The following MAGI2 variants were observed in gnomAD, a reference collection of about 807,000 sequenced individuals.
The protein encoded by MAGI2 is membrane-associated guanylate kinase, WW and PDZ domain-containing protein 2.
MAGI2 carries 35 observed loss-of-function variants against 133.3 expected under a neutral mutation model. That is an observed-to-expected ratio of 0.26 (90% CI 0.20 to 0.35). The LOEUF is 0.35. Among genes scored for constraint, MAGI2 ranks in the 10% least tolerant of loss-of-function variants. The probability of loss-of-function intolerance (pLI) is 1.00; values close to 1 mark genes in which losing one functional copy is unlikely to be tolerated. For synonymous variants in MAGI2, 729 were observed against 710.6 expected (o/e 1.03, Z -0.41); for missense variants, 1,636 against 1,863.4 (o/e 0.88, Z 2.25).
intron 9 of MAGI2, among the ~76,000 whole-genome samples, chr7:78,284,362 C>A (rs1014256408): frequency 1.3e-5 from 2 of 152,010 alleles, no homozygotes; most frequent in African/African-American, 4.8e-5. Flanking sequence ...GGACTTTTGG[C>A]AAATACACTT....
chr7:78,801,496 A>C (rs566397852), intron 2 of MAGI2, among the ~76,000 whole-genome samples: 1 of 152,284 alleles, frequency 6.6e-6, no homozygotes, highest in African/African-American at 2.4e-5. Flanking sequence ...CTGTCTACCA[A>C]CCATCCAAAA....
chr7:78,668,031 T>C (rs1813846882), intron 2 of MAGI2, among the ~76,000 whole-genome samples: 1 of 152,076 alleles, frequency 6.6e-6, no homozygotes, highest in African/African-American at 2.4e-5. Context: ...CTCCTATTTC[T>C]CCCCACATCC....
chr7:79,394,187 C>T (rs1287070257), intron 1 of MAGI2, among the ~76,000 whole-genome samples: 1 of 152,110 alleles, frequency 6.6e-6, no homozygotes, highest in Non-Finnish European at 1.5e-5. Flanking sequence ...AGACTCTAGA[C>T]GTTGATTCTG....
At chr7:79,323,242 TC>T (rs1839334550) in intron 1 of MAGI2, among the ~76,000 whole-genome samples, 1 of 151,940 alleles carries the variant, frequency 6.6e-6, no homozygotes. Flanking sequence ...GACCACATCC[TC>T]CCCTCTCCTC....
chr7:79,194,690 A>C lies in MAGI2; in HGVS notation c.302-187484T>G, dbSNP rs535137172. Among the ~76,000 whole-genome samples the C allele has an allele frequency of 7.2e-5, 11 of 151,994 alleles. No homozygotes were observed. The South Asian group carries it at 2.1e-3, about 29-fold the overall frequency. ...AGTAAGCATTTCACAGAGAAAATTG[A>C]CATCTAGCTTTTTTGATGTCTCAGT... is the stretch of plus-strand genomic sequence containing the variant. On this transcript the variant is annotated intron_variant, in intron 1 of 21. Transcript: ENST00000354212.
At chr7:79,027,349 A>G (rs568487195) in intron 1 of MAGI2, among the ~76,000 whole-genome samples, 265 of 150,392 alleles carry the variant, frequency 1.8e-3, no homozygotes, top group Non-Finnish European at 2.9e-3. Context: ...TAATATATAT[A>G]TTAAATACAA....
intron 2 of MAGI2, among the ~76,000 whole-genome samples, chr7:78,662,837 T>C (rs1205447132): frequency 1.3e-5 from 2 of 152,186 alleles, no homozygotes; most frequent in Admixed American, 6.5e-5. Flanking sequence ...ACAATAACTA[T>C]AAGTGCTCAA....
intron 12 of MAGI2, among the ~76,000 whole-genome samples, chr7:78,190,164 AT>A (rs905785307): frequency 1.3e-5 from 2 of 152,016 alleles, no homozygotes; most frequent in Admixed American, 6.6e-5. Context: ...CTTACTACCT[AT>A]TTTTTTCTAC....
intron 1 of MAGI2, among the ~76,000 whole-genome samples, chr7:79,031,704 G>A (rs1291446682): frequency 1.3e-5 from 2 of 152,042 alleles, no homozygotes; most frequent in Admixed American, 6.6e-5. Context: ...TTGGCTTCCC[G>A]ATGTAAAATG....
At chr7:78,770,297 T>A (rs886338554) in intron 2 of MAGI2, among the ~76,000 whole-genome samples, 2 of 152,220 alleles carry the variant, frequency 1.3e-5, no homozygotes, top group African/African-American at 2.4e-5. Context: ...ATAAAATTAA[T>A]TTTTTAAGCT....
At chr7:79,016,001 G>GGC (rs1562790290) in intron 1 of MAGI2, among the ~76,000 whole-genome samples, 1 of 103,264 alleles carries the variant, frequency 9.7e-6, no homozygotes, top group African/African-American at 3.8e-5. Context: ...GGAGAAGCGG[G>GGC]GGGGGGGGGT....
At chr7:79,015,635 C>T (rs7792974) in intron 1 of MAGI2, among the ~76,000 whole-genome samples, 88,322 of 151,410 alleles carry the variant, frequency 0.58, 26,084 homozygotes, top group East Asian at 0.63. Flanking sequence ...TGAACTGCTA[C>T]AAGACTGATT....
Position 79,322,530 on chromosome 7 carries a change from G to A in MAGI2, c.301+130490C>T, listed in dbSNP as rs146205095. 4.2e-3 allele frequency among the ~76,000 whole-genome samples: 645 copies of A among 151,954 alleles called. 7 individuals carry two copies. The highest frequency in any genetic ancestry group is 0.015 in the African/African-American group (623 of 41,470). ...CCACAATAATGAAAAAAAAAAATTA[G>A]GGCTTAGCACTTTGGGAGGCCAAGG... On this transcript the variant is annotated intron_variant, in intron 1 of 21. Coordinates refer to ENST00000354212, the MANE Select transcript of MAGI2 (RefSeq NM_012301.4).
intron 6 of MAGI2, among the ~76,000 whole-genome samples, chr7:78,446,798 A>G (rs564046383): frequency 3.3e-5 from 5 of 152,208 alleles, no homozygotes; most frequent in South Asian, 2.1e-4. Context: ...CAGCAATTTC[A>G]TCTTATTTTA....
At chr7:79,143,199 T>C (rs1254850370) in intron 1 of MAGI2, among the ~76,000 whole-genome samples, 1 of 152,206 alleles carries the variant, frequency 6.6e-6, no homozygotes, top group Non-Finnish European at 1.5e-5. Context: ...CAATTTTACA[T>C]AGTGCTGCCA....
rs114051797 is a variant in MAGI2, at chr7:78,619,167, T to C, written c.538+7953A>G. Among the ~76,000 whole-genome samples the C allele has an allele frequency of 9.9e-3, 1,506 of 151,918 alleles. 29 individuals are homozygous for C. Among genetic ancestry groups the C allele is most frequent in the African/African-American group, 0.034 (1,427 of 41,474 alleles). On this transcript the variant is annotated intron_variant, in intron 3 of 21. Transcript: ENST00000354212. ...ATCCCATAAATATACGCAATTATTA[T>C]GGGTCCATTAAAAATAAAGCAACAT... is the stretch of plus-strand genomic sequence containing the variant.
intron 2 of MAGI2, among the ~76,000 whole-genome samples, chr7:78,866,419 T>C (rs1332192878): frequency 1.3e-5 from 2 of 151,996 alleles, no homozygotes; most frequent in Non-Finnish European, 2.9e-5. Context: ...TGGGCATAGA[T>C]ATTTATGGGT....
intron 1 of MAGI2, among the ~76,000 whole-genome samples, chr7:79,403,549 A>T (rs1174793064): frequency 1.3e-5 from 2 of 152,126 alleles, no homozygotes. Flanking sequence ...CACAGTCAAA[A>T]TTTTATGAAC....
Position 78,256,224 on chromosome 7 carries a change from T to A in MAGI2, c.1766A>T (p.Asp589Val), listed in dbSNP as rs1309314651. The A allele has an allele frequency of 1.2e-6, 2 of 1,613,954 alleles. No individual in the cohort carries two copies. The highest frequency in any genetic ancestry group is 3.3e-5 in the Admixed American group (2 of 60,002). ...DGTYPPPVHD[D>V]NVSMASSGAT... The stretch of plus-strand genomic sequence containing the variant: ...CCCAGATGAAGCCATAGACACATTG[T>A]CATCATGGACGGGCGGTGGATACGT... The change falls in exon 10 of 22, where the codon GAC (aspartate) becomes GTC (valine). Residue 589 changes from aspartate (D) to valine (V), a missense_variant. Around this residue, in one of 5 missense-constraint regions of MAGI2, gnomAD observed 920 missense variants for 1,093.5 expected, o/e 0.84. Transcript: ENST00000354212.
Sources: gnomAD v4.1 joint callset for allele counts (sites outside exome capture counted in the v4.1 genomes callset) on GRCh38, gnomAD v4.1.1 for gene constraint, gnomAD v4.1.1 regional missense constraint, MANE v1.5 for transcripts, NCBI Gene and HGNC (gene_info 2026-07-23, HGNC 2026-07-21) for gene names.